RNF6: variants seen among roughly 807,000 people sequenced by gnomAD.
The protein encoded by RNF6 is E3 ubiquitin-protein ligase RNF6.
A neutral mutation model predicts 50.1 loss-of-function variants in RNF6; 21 were observed. The ratio of observed to expected loss-of-function variants is 0.42; its 90% CI spans 0.30 to 0.60. RNF6 has a LOEUF of 0.60. Ranked by LOEUF, RNF6 falls within the 20% of genes least tolerant of loss-of-function variation. The pLI is 0.20. For synonymous variants in RNF6, 255 were observed against 291.8 expected (o/e 0.87, Z 1.29); for missense variants, 698 against 838.2 (o/e 0.83, Z 2.07).
intron 5 of RNF6, among the ~76,000 whole-genome samples, chr13:26,134,966 A>G (rs551468783): frequency 6.6e-6 from 1 of 152,334 alleles, no homozygotes; most frequent in East Asian, 1.9e-4. Context: ...TAAAGTTAAC[A>G]AAAAAAGATT....
Position 26,215,543 on chromosome 13 carries a change from C to T in RNF6, c.339G>A (p.Trp113Ter). ...ESSHEDSLLEWLNTFRRTGNA... is the reference protein window; with the variant it reads ...ESSHEDSLLE ...TTCCTGTGCGCCGAAAGGTGTTCAA[C>T]CATTCTAGAAGAGAATCTTCATGTG... Residue 113 changes from tryptophan (W) to a stop codon, truncating the protein, a stop_gained, in exon 5 of 5, where the codon TGG becomes TGA. Coordinates refer to ENST00000381588, the MANE Select transcript of RNF6 (RefSeq NM_005977.4). LOFTEE classifies it low-confidence loss of function (END_TRUNC). The T allele has an allele frequency of 6.2e-7, 1 of 1,611,822 alleles. No individual in the cohort carries two copies. Among genetic ancestry groups the T allele is most frequent in the South Asian group, 1.1e-5 (1 of 91,070 alleles).
chr13:26,152,929 C>A (rs926318779), intron 5 of RNF6, among the ~76,000 whole-genome samples: 1 of 151,834 alleles, frequency 6.6e-6, no homozygotes, highest in Non-Finnish European at 1.5e-5. Flanking sequence ...CCGAGGCGGG[C>A]GGATCATGAG....
intron 5 of RNF6, among the ~76,000 whole-genome samples, chr13:26,167,460 C>T (rs1312402115): frequency 3.3e-5 from 5 of 152,088 alleles, no homozygotes; most frequent in Non-Finnish European, 4.4e-5. Flanking sequence ...AACTCAATAT[C>T]GCTGATAATT....
intron 5 of RNF6, among the ~76,000 whole-genome samples, chr13:26,145,377 C>T (rs556639657): frequency 6.6e-6 from 1 of 151,180 alleles, no homozygotes; most frequent in South Asian, 2.1e-4. Context: ...TGTGTCCCCA[C>T]CCAAATCTCA....
chr13:26,135,894 G>C (rs984905918), intron 5 of RNF6, among the ~76,000 whole-genome samples: 3 of 152,078 alleles, frequency 2.0e-5, no homozygotes, highest in African/African-American at 7.2e-5. Flanking sequence ...TCGCTCTCTT[G>C]CTTCCTCTCT....
intron 5 of RNF6, among the ~76,000 whole-genome samples, chr13:26,179,253 G>A (rs932354407): frequency 6.6e-6 from 1 of 152,120 alleles, no homozygotes; most frequent in Non-Finnish European, 1.5e-5. Context: ...AGATCTAGTC[G>A]ACGAGACAGA....
intron 5 of RNF6, among the ~76,000 whole-genome samples, chr13:26,138,411 A>G (rs554884391): frequency 1.3e-5 from 2 of 152,322 alleles, no homozygotes; most frequent in South Asian, 4.1e-4. Flanking sequence ...CCACATGAAG[A>G]AAATAAGAAT....
intron 5 of RNF6, among the ~76,000 whole-genome samples, chr13:26,172,673 A>G (rs1250434368): frequency 3.9e-5 from 6 of 152,032 alleles, no homozygotes; most frequent in African/African-American, 1.4e-4. Flanking sequence ...CCTCCCGAGT[A>G]GCTGGCACTA....
At chr13:26,175,227 C>CCTG (rs1872896287) in intron 5 of RNF6, among the ~76,000 whole-genome samples, 1 of 152,172 alleles carries the variant, frequency 6.6e-6, no homozygotes, top group Non-Finnish European at 1.5e-5. Context: ...ACTACAGGTG[C>CCTG]ACACCACCAT....
At chr13:26,220,134 A>G (rs1255300613) in intron 2 of RNF6, among the ~76,000 whole-genome samples, 8 of 152,238 alleles carry the variant, frequency 5.3e-5, no homozygotes, top group Admixed American at 3.9e-4. Context: ...TTTCCAAAAT[A>G]AGGCTCATGA....
chr13:26,139,699 A>G (rs535664267), intron 5 of RNF6, among the ~76,000 whole-genome samples: 1 of 152,334 alleles, frequency 6.6e-6, no homozygotes, highest in South Asian at 2.1e-4. Context: ...TTCTGCATAT[A>G]TTTAGTCCTT....
intron 5 of RNF6, among the ~76,000 whole-genome samples, chr13:26,139,448 C>T (rs1162495655): frequency 1.3e-5 from 2 of 152,154 alleles, no homozygotes; most frequent in Admixed American, 6.6e-5. Flanking sequence ...TGCCCTCTCT[C>T]TCAGAATATT....
intron 5 of RNF6, among the ~76,000 whole-genome samples, chr13:26,140,806 T>C (rs1309978429): frequency 2.0e-5 from 3 of 152,162 alleles, no homozygotes; most frequent in Middle Eastern, 3.2e-3. Flanking sequence ...AATCAGTGTA[T>C]GAAAATCAAC....
chr13:26,135,219 A>G (rs1041454078), intron 5 of RNF6, among the ~76,000 whole-genome samples: 1 of 152,246 alleles, frequency 6.6e-6, no homozygotes, highest in Non-Finnish European at 1.5e-5. Context: ...CAATCTAGCC[A>G]TGACCTTGAG....
intron 5 of RNF6, among the ~76,000 whole-genome samples, chr13:26,184,008 ATATATATATATTTTTTTTT>A (rs1424101953): frequency 1.6e-4 from 2 of 12,196 alleles, no homozygotes; most frequent in African/African-American, 3.9e-4. Flanking sequence ...ATATATATAT[ATATATATATATTTTTTTTT>A]TTTTTTTTTT....
intron 5 of RNF6, among the ~76,000 whole-genome samples, chr13:26,144,335 T>G (rs377174895): frequency 6.6e-6 from 1 of 152,120 alleles, no homozygotes. Context: ...AAAGTTCTCC[T>G]TTGCTGAGGT....
In RNF6 at chr13:26,161,292, T is replaced by A. The variant is rs563108398; in HGVS notation, n.769-28841A>T. On this transcript the variant is annotated intron_variant and non_coding_transcript_variant, in intron 5 of 5. Transcript: ENST00000468480. ...AGTCTGTATTCTTTTATAATATTTTTAAAAATATGCTCATTTAATCTTCCA... is the reference window on the plus strand; with the variant it reads ...AGTCTGTATTCTTTTATAATATTTTAAAAAATATGCTCATTTAATCTTCCA... Among the ~76,000 whole-genome samples the A allele has an allele frequency of 3.4e-4, 52 of 152,334 alleles. 1 individual carries two copies. The highest frequency in any genetic ancestry group is 1.2e-3 in the African/African-American group (51 of 41,570).
rs1267336204 is a variant in RNF6, at chr13:26,218,613, CA to C, written c.194-8del. ...TCTTCTGATGTTATTTCTCCTAAAA[CA>C]ATGAAAAACTGCTCATTTAAGAATT... On this transcript the variant is annotated splice_region_variant and splice_polypyrimidine_tract_variant and intron_variant, in intron 3 of 4. Transcript: ENST00000381588. 1 of 1,610,328 alleles carries C rather than the reference CA, an allele frequency of 6.2e-7. No individual in the cohort carries two copies. Among genetic ancestry groups the C allele is most frequent in the East Asian group, 2.2e-5 (1 of 44,796 alleles).
chr13:26,183,045 T>C (rs1873317119), intron 5 of RNF6, among the ~76,000 whole-genome samples: 2 of 152,206 alleles, frequency 1.3e-5, no homozygotes, highest in South Asian at 4.1e-4. Flanking sequence ...TGACATTTGT[T>C]TTTGAGCCAA....
Sources: allele counts gnomAD v4.1 joint callset (sites outside exome capture counted in the v4.1 genomes callset), GRCh38; gene constraint gnomAD v4.1.1; transcripts MANE v1.5; gene names NCBI Gene and HGNC (gene_info 2026-07-23, HGNC 2026-07-21).